The following ADAM9 variants were observed in gnomAD, a reference collection of about 807,000 sequenced individuals.
ADAM9 encodes disintegrin and metalloproteinase domain-containing protein 9.
In ADAM9, 54 loss-of-function variants were observed where a neutral mutation model predicts 108.1. The observed-to-expected ratio is 0.50, with a 90% CI of 0.40 to 0.63. ADAM9 has a LOEUF of 0.63. Ranked by LOEUF, ADAM9 falls within the 20% of genes least tolerant of loss-of-function variation. The pLI is 0.00. For synonymous variants in ADAM9, 316 were observed against 336.0 expected (o/e 0.94, Z 0.65); for missense variants, 830 against 997.7 (o/e 0.83, Z 2.26).
At chr8:39,071,465 C>CTTTTTT (rs34398586) in intron 15 of ADAM9, 62 bp downstream of exon 15, 10 of 590,540 alleles carry the variant, frequency 1.7e-5, no homozygotes, top group African/African-American at 5.1e-5. Context: ...TCTCTAGTAT[C>CTTTTTT]TTTTTTTTTT....
Position 39,082,651 on chromosome 8 carries a change from A to G in ADAM9, c.1892A>G (p.Asn631Ser), listed in dbSNP as rs532248416. The G allele has an allele frequency of 3.6e-5, 58 of 1,612,036 alleles. 1 individual carries two copies. In the South Asian group the frequency reaches 5.6e-4, roughly 16 times the overall value. Residue 631 changes from asparagine (N) to serine (S), a missense_variant, in exon 17 of 22, where the codon AAC (asparagine) becomes AGC (serine). Coordinates refer to ENST00000487273, the MANE Select transcript of ADAM9 (RefSeq NM_003816.3). ...TTTTTTTTTTTTCAGATCTGTAGAA[A>G]CTTCCAGTGTGTAGATGCTTCTGTT... ...TKCGAGKICR[N>S]FQCVDASVLN... is the part of the protein sequence containing the mutation.
chr8:39,069,649 C>T (rs1162980325), intron 14 of ADAM9, among the ~76,000 whole-genome samples: 1 of 152,152 alleles, frequency 6.6e-6, no homozygotes, highest in Non-Finnish European at 1.5e-5. Context: ...ACCATGATCT[C>T]ATCCACCGTG....
Position 39,090,059 on chromosome 8 carries a change from C to T in ADAM9, c.2081C>T (p.Ala694Val), listed in dbSNP as rs1427914851. 1.9e-6 allele frequency: 3 copies of T among 1,613,798 alleles called. No individual in the cohort carries two copies. The highest frequency in any genetic ancestry group is 1.7e-6 in the Non-Finnish European group (2 of 1,179,896). The change falls in exon 19 of 22, where the codon GCA (alanine) becomes GTA (valine). Residue 694 changes from alanine (A) to valine (V), a missense_variant. By Grantham distance (64) the Ala-to-Val change is moderately conservative (BLOSUM62 0). Coordinates refer to ENST00000487273, the MANE Select transcript of ADAM9 (RefSeq NM_003816.3). ...SGPTYNEMNTALRDGLLVFFF... is the reference protein window; with the variant it reads ...SGPTYNEMNTVLRDGLLVFFF... ...TTCTTCTCTCTAGAAATGAATACTGCATTGAGGGACGGACTTCTGGTCTTC... is the reference window on the plus strand; with the variant it reads ...TTCTTCTCTCTAGAAATGAATACTGTATTGAGGGACGGACTTCTGGTCTTC...
At chr8:39,011,602 G>T in intron 2 of ADAM9, 56 bp from the exon 3 acceptor site, 1 of 1,502,610 alleles carries the variant, frequency 6.7e-7, no homozygotes, top group Non-Finnish European at 9.2e-7. Flanking sequence ...ATGAGATGTT[G>T]TTGAAAAGTA....
intron 16 of ADAM9, among the ~76,000 whole-genome samples, chr8:39,081,109 G>A (rs4733972): frequency 0.14 from 20,856 of 151,856 alleles, 3,018 homozygotes; most frequent in African/African-American, 0.37. Context: ...CACCATGCCC[G>A]GCTAATTTTT....
At chr8:39,035,170 T>C (rs1837229652) in intron 11 of ADAM9, among the ~76,000 whole-genome samples, 1 of 152,232 alleles carries the variant, frequency 6.6e-6, no homozygotes, top group African/African-American at 2.4e-5. Flanking sequence ...TAATTTCTTC[T>C]GATATCTTTC....
At chr8:39,033,031 A>T (rs560513637) in intron 11 of ADAM9, among the ~76,000 whole-genome samples, 1 of 152,338 alleles carries the variant, frequency 6.6e-6, no homozygotes, top group South Asian at 2.1e-4. Flanking sequence ...CTGACATCTT[A>T]ATATTGAGTC....
At chr8:39,072,098 A>G (rs1311992308) in intron 15 of ADAM9, among the ~76,000 whole-genome samples, 1 of 152,264 alleles carries the variant, frequency 6.6e-6, no homozygotes, top group East Asian at 1.9e-4. Flanking sequence ...TATAATTTCA[A>G]GATGATGAAT....
At chr8:39,005,192 T>C (rs1836122458) in intron 1 of ADAM9, among the ~76,000 whole-genome samples, 1 of 152,200 alleles carries the variant, frequency 6.6e-6, no homozygotes, top group Non-Finnish European at 1.5e-5. Flanking sequence ...GGCAATCATG[T>C]TCCTGCCTAA....
intron 14 of ADAM9, among the ~76,000 whole-genome samples, chr8:39,061,987 G>A (rs772892025): frequency 4.6e-5 from 7 of 152,196 alleles, no homozygotes; most frequent in Non-Finnish European, 8.8e-5. Flanking sequence ...CAAAGTGCCA[G>A]TCAATTTGGT....
At chr8:39,055,016 A>G (rs139831831) in intron 13 of ADAM9, among the ~76,000 whole-genome samples, 25 of 152,270 alleles carry the variant, frequency 1.6e-4, no homozygotes, top group African/African-American at 5.8e-4. Flanking sequence ...GCTTTTTTCA[A>G]TATGACACCA....
chr8:39,011,157 G>T (rs2129432411), intron 2 of ADAM9, among the ~76,000 whole-genome samples: 1 of 151,792 alleles, frequency 6.6e-6, no homozygotes, highest in South Asian at 2.1e-4. Flanking sequence ...TTTGTATGAT[G>T]CATCCTCATT....
At chr8:39,050,833 T>G in intron 12 of ADAM9, among the ~76,000 whole-genome samples, 1 of 142,374 alleles carries the variant, frequency 7.0e-6, no homozygotes, top group South Asian at 2.4e-4. Context: ...TGGAAGTGTT[T>G]TTTTTTTTTT....
At position 39,016,103 on chromosome 8, in the gene ADAM9, G is replaced by A; in HGVS notation, c.334-15G>A. Reference sequence around the variant, plus strand: ...TGTAGCAATATTTGAAGATAATACAGTATTTTTCATTTAGAATCATTGTCA... The same window carrying A: ...TGTAGCAATATTTGAAGATAATACAATATTTTTCATTTAGAATCATTGTCA... On this transcript the variant is annotated splice_polypyrimidine_tract_variant and intron_variant, in intron 4 of 21. Transcript: ENST00000487273. The A allele has an allele frequency of 6.2e-7, 1 of 1,607,916 alleles. No homozygotes were observed.
intron 8 of ADAM9, 55 bp downstream of exon 8, chr8:39,021,769 G>C: frequency 6.8e-7 from 1 of 1,481,008 alleles, no homozygotes; most frequent in Non-Finnish European, 9.4e-7. Flanking sequence ...TTCAGTCCCA[G>C]AACAGAACTT....
chr8:39,070,254 G>A (rs1838640313), intron 14 of ADAM9, among the ~76,000 whole-genome samples: 1 of 150,420 alleles, frequency 6.6e-6, no homozygotes, highest in Non-Finnish European at 1.5e-5. Context: ...CTACAACATT[G>A]TGTTAATGAT....
chr8:39,004,803 G>A (rs1836110007), intron 1 of ADAM9, among the ~76,000 whole-genome samples: 1 of 152,204 alleles, frequency 6.6e-6, no homozygotes, highest in Non-Finnish European at 1.5e-5. Context: ...GCTGGTGGGA[G>A]TGTCTTTTAG....
At chr8:39,039,231 TGAAAA>T (rs1257772468) in intron 11 of ADAM9, among the ~76,000 whole-genome samples, 2 of 152,170 alleles carry the variant, frequency 1.3e-5, no homozygotes, top group East Asian at 1.9e-4. Flanking sequence ...CTCAAACTGA[TGAAAA>T]GAGATTCAGG....
chr8:39,049,318 TAAC>T (rs1026234197), intron 12 of ADAM9, among the ~76,000 whole-genome samples: 7 of 152,126 alleles, frequency 4.6e-5, no homozygotes, highest in Non-Finnish European at 1.0e-4. Flanking sequence ...TTTAAGCTGA[TAAC>T]AACTTAACCT....
Sources: allele counts gnomAD v4.1 joint callset (sites outside exome capture counted in the v4.1 genomes callset), GRCh38; gene constraint gnomAD v4.1.1; transcripts MANE v1.5; gene names NCBI Gene and HGNC (gene_info 2026-07-23, HGNC 2026-07-21).